The following RNF180 variants were observed in gnomAD, a reference collection of about 807,000 sequenced individuals.
The protein encoded by RNF180 is ring finger protein 180.
In RNF180, 38 loss-of-function variants were observed where a neutral mutation model predicts 59.2. That is an observed-to-expected ratio of 0.64 (90% CI 0.50 to 0.84). The LOEUF is 0.84. RNF180 is among the 40% of genes least tolerant of loss of function. The pLI is 0.00. For synonymous variants in RNF180, 262 were observed against 240.3 expected, an observed-to-expected ratio of 1.09 and a Z score of -0.84; for missense variants, 705 against 700.9, an observed-to-expected ratio of 1.01 and a Z score of -0.07.
At chr5:64,218,696 C>T (rs1373198355) in intron 5 of RNF180, among the ~76,000 whole-genome samples, 1 of 152,124 alleles carries the variant, frequency 6.6e-6, no homozygotes, top group African/African-American at 2.4e-5. Flanking sequence ...TCTCGTAATA[C>T]GTGAACATGG....
chr5:64,204,208 T>C (rs1751898496), intron 2 of RNF180, among the ~76,000 whole-genome samples: 3 of 152,192 alleles, frequency 2.0e-5, no homozygotes, highest in Admixed American at 6.5e-5. Context: ...TTGAAATTCT[T>C]GTTGAAAGAT....
At chr5:64,230,229 G>C (rs1742020330) in intron 5 of RNF180, among the ~76,000 whole-genome samples, 1 of 152,186 alleles carries the variant, frequency 6.6e-6, no homozygotes, top group African/African-American at 2.4e-5. Context: ...TTGATACTAT[G>C]TTCATTTGCT....
chr5:64,184,518 A>T (rs934674807), intron 1 of RNF180, among the ~76,000 whole-genome samples: 2 of 152,140 alleles, frequency 1.3e-5, no homozygotes, highest in African/African-American at 4.8e-5. Flanking sequence ...CTCACCAACT[A>T]TTTGGTTACC....
chr5:64,245,565 A>T (rs1239831029), intron 5 of RNF180, among the ~76,000 whole-genome samples: 3 of 152,240 alleles, frequency 2.0e-5, no homozygotes, highest in Non-Finnish European at 4.4e-5. Context: ...AAGAAGAGCT[A>T]ACTATCCTAA....
chr5:64,227,157 G>A (rs1020665068), intron 5 of RNF180, among the ~76,000 whole-genome samples: 5 of 152,204 alleles, frequency 3.3e-5, no homozygotes, highest in East Asian at 1.9e-4. Flanking sequence ...GCAGAGAGGC[G>A]TCAGCATCGG....
At chr5:64,336,857 T>C (rs1304767532) in intron 7 of RNF180, among the ~76,000 whole-genome samples, 1 of 152,116 alleles carries the variant, frequency 6.6e-6, no homozygotes, top group Non-Finnish European at 1.5e-5. Context: ...ATCTACATAT[T>C]GTTTGTCCAT....
At chr5:64,349,735 G>C (rs1269733776) in intron 7 of RNF180, among the ~76,000 whole-genome samples, 2 of 152,028 alleles carry the variant, frequency 1.3e-5, no homozygotes, top group African/African-American at 2.4e-5. Context: ...ATGGTTTCCA[G>C]CTTCATCCAT....
At chr5:64,322,843 A>G (rs1169300988) in intron 5 of RNF180, among the ~76,000 whole-genome samples, 1 of 152,090 alleles carries the variant, frequency 6.6e-6, no homozygotes, top group African/African-American at 2.4e-5. Context: ...CCCAGGGGGA[A>G]AGGGGGAAGG....
At chr5:64,192,840 A>G (rs992756854) in intron 1 of RNF180, among the ~76,000 whole-genome samples, 22 of 148,544 alleles carry the variant, frequency 1.5e-4, no homozygotes, top group African/African-American at 5.5e-4. Context: ...CAGAGTAGCC[A>G]AAATAAGGGG....
chr5:64,183,811 C>G (rs1290030694), intron 1 of RNF180, among the ~76,000 whole-genome samples: 2 of 152,104 alleles, frequency 1.3e-5, no homozygotes, highest in East Asian at 3.9e-4. Context: ...GTTATCAAAC[C>G]ACATATGATG....
intron 5 of RNF180, among the ~76,000 whole-genome samples, chr5:64,317,790 A>T (rs1309981070): frequency 7.3e-6 from 1 of 136,132 alleles, no homozygotes; most frequent in Non-Finnish European, 1.6e-5. Flanking sequence ...TGTCCTGATA[A>T]ACCCATTTTA....
At position 64,325,372 on chromosome 5, in the gene RNF180, T is replaced by C. The variant is rs1435570104; in HGVS notation, c.1414T>C (p.Leu472=). The C allele has an allele frequency of 6.4e-7, 1 of 1,551,616 alleles. No individual in the cohort carries two copies. Among genetic ancestry groups the C allele is most frequent in the Admixed American group, 2.0e-5 (1 of 51,000 alleles). Residue 472 remains leucine, a synonymous_variant, in exon 6 of 8, where the codon TTG becomes CTG. Transcript: ENST00000389100. ...CAATCCTTCAAGCACTCCATGCCCA[T>C]TGTGTCGGACAATTATTTCTAGAGT... ...KDNPSSTPCP[L]CRTIISRVFF...
At chr5:64,285,546 T>C (rs143278784) in intron 5 of RNF180, among the ~76,000 whole-genome samples, 14 of 151,856 alleles carry the variant, frequency 9.2e-5, no homozygotes, top group Admixed American at 3.3e-4. Context: ...ATCATGTGGG[T>C]CAAGTCAGCT....
At chr5:64,348,526 C>G (rs974814245) in intron 7 of RNF180, among the ~76,000 whole-genome samples, 8 of 152,090 alleles carry the variant, frequency 5.3e-5, no homozygotes, top group Non-Finnish European at 1.0e-4. Context: ...AATACAACTT[C>G]CTTTCAAATG....
intron 7 of RNF180, among the ~76,000 whole-genome samples, chr5:64,331,087 C>A (rs1561266150): frequency 6.6e-6 from 1 of 152,250 alleles, no homozygotes; most frequent in Non-Finnish European, 1.5e-5. Flanking sequence ...ACTCTCAGGG[C>A]AGTCCTGACA....
Position 64,325,369 on chromosome 5 carries a change from C to T in RNF180, c.1411C>T (p.Pro471Ser). Reference protein sequence around the residue: ...AKDNPSSTPCPLCRTIISRVF... With the variant: ...AKDNPSSTPCSLCRTIISRVF... ...AGACAATCCTTCAAGCACTCCATGCCCATTGTGTCGGACAATTATTTCTAG... is the reference window on the plus strand; with the variant it reads ...AGACAATCCTTCAAGCACTCCATGCTCATTGTGTCGGACAATTATTTCTAG... The change falls in exon 6 of 8, where the codon CCA becomes TCA. Residue 471 changes from proline (P) to serine (S), a missense_variant. Coordinates refer to ENST00000389100, the MANE Select transcript of RNF180 (RefSeq NM_001113561.2). The T allele has an allele frequency of 6.4e-7, 1 of 1,551,664 alleles. No homozygotes were observed. Among genetic ancestry groups the T allele is most frequent in the Non-Finnish European group, 8.7e-7 (1 of 1,146,914 alleles).
chr5:64,185,279 G>T (rs1423210074), intron 1 of RNF180, among the ~76,000 whole-genome samples: 1 of 152,102 alleles, frequency 6.6e-6, no homozygotes, highest in Non-Finnish European at 1.5e-5. Flanking sequence ...TGGTAGATTA[G>T]TTAGTTGATA....
chr5:64,293,087 A>G (rs1490667097), intron 5 of RNF180, among the ~76,000 whole-genome samples: 1 of 152,170 alleles, frequency 6.6e-6, no homozygotes, highest in Non-Finnish European at 1.5e-5. Context: ...GTTGGCTGGA[A>G]TTCCAAACCA....
rs150814172 is a variant in RNF180 at position 64,270,067 on chromosome 5, G to A, written c.1227+52671G>A. Among the ~76,000 whole-genome samples the A allele has an allele frequency of 3.4e-3, 521 of 151,790 alleles. 2 individuals are homozygous for A. The highest frequency in any genetic ancestry group is 0.011 in the African/African-American group (473 of 41,358). ...CACACACAAAAGCCTTTAGTGGATC[G>A]TAAATCAGTGTATTTCACAGAAATA... On this transcript the variant is annotated intron_variant, in intron 5 of 7. Transcript: ENST00000389100.
Sources: gnomAD v4.1 joint callset for allele counts (sites outside exome capture counted in the v4.1 genomes callset) on GRCh38, gnomAD v4.1.1 for gene constraint, MANE v1.5 for transcripts, NCBI Gene and HGNC (gene_info 2026-07-23, HGNC 2026-07-21) for gene names.